The following RYR3 variants were observed in gnomAD, a reference collection of about 807,000 sequenced individuals.
RYR3 encodes the protein brain ryanodine receptor-calcium release channel.
A neutral mutation model predicts 584.3 loss-of-function variants in RYR3; 207 were observed. That is an observed-to-expected ratio of 0.35 (90% CI 0.32 to 0.40). RYR3 has a LOEUF of 0.40. RYR3 is among the 10% of genes least tolerant of loss of function. The probability of loss-of-function intolerance (pLI) is 1.00; values close to 1 mark genes in which losing one functional copy is unlikely to be tolerated. For missense variants in RYR3, 5,616 were observed against 6,089.2 expected (o/e 0.92, Z 2.59); for synonymous variants, 2,416 against 2,248.5 (o/e 1.07, Z -2.11).
intron 85 of RYR3, among the ~76,000 whole-genome samples, chr15:33,830,284 C>T (rs1163378089): frequency 6.6e-6 from 1 of 152,232 alleles, no homozygotes; most frequent in Non-Finnish European, 1.5e-5. Context: ...CCTGTTTAGT[C>T]AGTAGCCATC....
chr15:33,624,174 A>G (rs550644066), intron 20 of RYR3, among the ~76,000 whole-genome samples, 151 bp downstream of exon 20: 99 of 152,366 alleles, frequency 6.5e-4, no homozygotes, highest in Non-Finnish European at 1.1e-3. Flanking sequence ...CATTTTCACC[A>G]TGTGTGTCAA....
At chr15:33,719,658 A>G (rs2067757948) in intron 43 of RYR3, among the ~76,000 whole-genome samples, 1 of 152,258 alleles carries the variant, frequency 6.6e-6, no homozygotes, top group African/African-American at 2.4e-5. Context: ...ATTCGAAAGT[A>G]GTGAACTGTG....
At position 33,562,992 on chromosome 15, in the gene RYR3, G is replaced by A. The variant is rs761653150; in HGVS notation, c.1128G>A (p.Leu376=). ...CACAAGACGCCAAAACTTCCCGCCT[G>A]GGACCTCTAAAAAGAAAGGTGAGAG... The part of the protein sequence containing the change: ...YKAQDAKTSR[L]GPLKRKVILH... Residue 376 remains leucine, a synonymous_variant, in exon 11 of 104, where the codon CTG becomes CTA. Transcript: ENST00000634891. 10 of 1,609,572 alleles carry A rather than the reference G, an allele frequency of 6.2e-6. No individual in the cohort carries two copies. Among genetic ancestry groups the A allele is most frequent in the Non-Finnish European group, 5.9e-6 (7 of 1,177,690 alleles).
chr15:33,601,309 C>T (rs929031528), intron 16 of RYR3, 110 bp from the exon 17 acceptor site: 67 of 1,123,184 alleles, frequency 6.0e-5, no homozygotes, highest in African/African-American at 1.2e-4. Context: ...GCTCTCTACC[C>T]GTCACCTAGC....
At chr15:33,416,457 A>T (rs1156890167) in intron 1 of RYR3, among the ~76,000 whole-genome samples, 1 of 152,184 alleles carries the variant, frequency 6.6e-6, no homozygotes, top group African/African-American at 2.4e-5. Flanking sequence ...ATAATTAGTA[A>T]TGATGAGCAT....
intron 67 of RYR3, among the ~76,000 whole-genome samples, chr15:33,792,664 A>G (rs140924893): frequency 1.2e-3 from 189 of 152,366 alleles, no homozygotes; most frequent in African/African-American, 4.2e-3. Context: ...AATTTAGCTG[A>G]GTGAAAATAA....
Position 33,652,777 on chromosome 15 carries a change from G to C in RYR3, c.4202G>C (p.Arg1401Thr). ...WGGDIVASSQRSNRSNVDLEI... is the reference protein window; with the variant it reads ...WGGDIVASSQTSNRSNVDLEI... Reference sequence around the variant, plus strand: ...GGAGACATTGTAGCCAGTTCCCAGAGATCAAATCGGAGCAACGTGGACCTG... The same window carrying C: ...GGAGACATTGTAGCCAGTTCCCAGACATCAAATCGGAGCAACGTGGACCTG... Residue 1401 changes from arginine to threonine, a missense_variant, in exon 32 of 104, where the codon AGA (arginine) becomes ACA (threonine). Physicochemically the swap from Arg to Thr is moderately conservative, Grantham distance 71 (BLOSUM62 -1). Transcript: ENST00000634891. The C allele has an allele frequency of 6.2e-7, 1 of 1,613,916 alleles. No homozygotes were observed. Among genetic ancestry groups the C allele is most frequent in the African/African-American group, 1.3e-5 (1 of 75,040 alleles).
At chr15:33,408,239 T>C (rs892700420) in intron 1 of RYR3, among the ~76,000 whole-genome samples, 4 of 152,198 alleles carry the variant, frequency 2.6e-5, no homozygotes, top group Non-Finnish European at 5.9e-5. Context: ...CTGACACTTA[T>C]AAGTGAGAAC....
At chr15:33,504,030 T>C (rs2052242324) in intron 3 of RYR3, among the ~76,000 whole-genome samples, 1 of 152,208 alleles carries the variant, frequency 6.6e-6, no homozygotes, top group African/African-American at 2.4e-5. Flanking sequence ...CACCAGCGAA[T>C]GTGGAGAGGC....
At position 33,391,775 on chromosome 15, in the gene RYR3, C is replaced by T. The variant is rs561474026; in HGVS notation, c.51+80679C>T. ...CTTTCCATTTCTTTAGGGTTCTTTGCCCAATTTGATCATTTAGGAGGGACT... is the reference window on the plus strand; with the variant it reads ...CTTTCCATTTCTTTAGGGTTCTTTGTCCAATTTGATCATTTAGGAGGGACT... On this transcript the variant is annotated intron_variant, in intron 1 of 103. Transcript: ENST00000634891. Among the ~76,000 whole-genome samples, 15 of 152,198 alleles carry T rather than the reference C, an allele frequency of 9.9e-5. No individual in the cohort carries two copies. In the East Asian group the frequency reaches 2.9e-3, roughly 29 times the overall value.
intron 34 of RYR3, 27 bp downstream of exon 34, chr15:33,660,450 G>A (rs770522445): frequency 9.4e-6 from 14 of 1,495,248 alleles, no homozygotes; most frequent in Middle Eastern, 4.5e-4. Context: ...CGAAGGAAGG[G>A]GCAGGCCTGA....
intron 26 of RYR3, among the ~76,000 whole-genome samples, 164 bp from the exon 27 acceptor site, chr15:33,636,212 T>C (rs1004090244): frequency 5.9e-5 from 9 of 152,178 alleles, no homozygotes; most frequent in Admixed American, 4.6e-4. Flanking sequence ...TGTCTTGGTT[T>C]CATTTATAAC....
intron 48 of RYR3, among the ~76,000 whole-genome samples, chr15:33,734,759 C>T (rs1294860472): frequency 1.3e-5 from 2 of 148,324 alleles, no homozygotes; most frequent in Non-Finnish European, 3.0e-5. Context: ...GTGCCATCTC[C>T]ACTCTCTGCA....
chr15:33,797,073 C>T (rs531481855), intron 67 of RYR3, among the ~76,000 whole-genome samples: 5 of 152,136 alleles, frequency 3.3e-5, no homozygotes, highest in Admixed American at 1.3e-4. Flanking sequence ...TGGACCTAGA[C>T]TGTAGAATAA....
intron 1 of RYR3, among the ~76,000 whole-genome samples, chr15:33,343,587 G>C (rs1972086104): frequency 6.6e-6 from 1 of 152,122 alleles, no homozygotes; most frequent in African/African-American, 2.4e-5. Context: ...GATCATCCTT[G>C]CCTATTTTTT....
Position 33,757,816 on chromosome 15 carries a change from G to A in RYR3, c.8705+220G>A, listed in dbSNP as rs577392971. The A allele has an allele frequency of 8.8e-6, 5 of 568,734 alleles. No homozygotes were observed. The East Asian group carries it at 1.2e-4, about 13-fold the overall frequency. The allele number at this position is 568,734 out of a possible 1,614,324, so 35.2% of individuals were successfully genotyped here. On this transcript the variant is annotated intron_variant, in intron 60 of 103. Transcript: ENST00000634891. ...GGGAGTACCCGTGGGGCTTGGGAAA[G>A]ATGTATATAATTAAATCAACATCGG...
At chr15:33,407,680 A>G (rs956398889) in intron 1 of RYR3, among the ~76,000 whole-genome samples, 2 of 152,216 alleles carry the variant, frequency 1.3e-5, no homozygotes, top group African/African-American at 4.8e-5. Context: ...TGCGATTCAC[A>G]TAGCTTCAAA....
intron 1 of RYR3, among the ~76,000 whole-genome samples, chr15:33,398,534 A>G (rs190624367): frequency 2.6e-5 from 4 of 152,340 alleles, no homozygotes; most frequent in Admixed American, 2.6e-4. Flanking sequence ...AATGTCTTCA[A>G]TTAGTCAGTG....
chr15:33,857,501 G>C (rs565815517), intron 98 of RYR3, among the ~76,000 whole-genome samples: 1 of 152,010 alleles, frequency 6.6e-6, no homozygotes, highest in East Asian at 1.9e-4. Flanking sequence ...GGTACTGGAG[G>C]CCAGGACCTC....
Sources: allele counts gnomAD v4.1 joint callset (sites outside exome capture counted in the v4.1 genomes callset), GRCh38; gene constraint gnomAD v4.1.1; transcripts MANE v1.5; gene names NCBI Gene and HGNC (gene_info 2026-07-23, HGNC 2026-07-21).